OCA2: variants seen among roughly 807,000 people sequenced by gnomAD.
OCA2 encodes the protein P protein.
OCA2 carries 77 observed loss-of-function variants against 100.2 expected under a neutral mutation model. The observed-to-expected ratio is 0.77, with a 90% CI of 0.64 to 0.93. The LOEUF (loss-of-function observed/expected upper bound fraction) is 0.93. Among genes scored for constraint, OCA2 ranks in the 40% least tolerant of loss-of-function variants. OCA2 has a pLI of 0.00. For synonymous variants in OCA2, 432 were observed against 439.2 expected, an observed-to-expected ratio of 0.98 and a Z score of 0.21; for missense variants, 1,062 against 1,089.1, an observed-to-expected ratio of 0.98 and a Z score of 0.35.
intron 5 of OCA2, 84 bp downstream of exon 5, chr15:28,024,761 C>T (rs1275740828): frequency 1.7e-5 from 24 of 1,414,938 alleles, no homozygotes; most frequent in Non-Finnish European, 2.4e-5. Flanking sequence ...AGCCCCACAC[C>T]TCAGGTTCCC....
At chr15:27,969,218 G>GAGT (rs748714420) in intron 14 of OCA2, among the ~76,000 whole-genome samples, 1 of 151,638 alleles carries the variant, frequency 6.6e-6, no homozygotes, top group Non-Finnish European at 1.5e-5. Flanking sequence ...AAAAAGTGAT[G>GAGT]AGTAGATAAA....
At chr15:27,870,646 G>C (rs1467929622) in intron 21 of OCA2, among the ~76,000 whole-genome samples, 1 of 138,418 alleles carries the variant, frequency 7.2e-6, no homozygotes, top group African/African-American at 2.7e-5. Context: ...TCTATCTTTT[G>C]ATGTCTCACA....
chr15:27,770,935 C>G (rs2031764101), intron 23 of OCA2, among the ~76,000 whole-genome samples: 1 of 124,222 alleles, frequency 8.1e-6, no homozygotes, highest in Non-Finnish European at 1.9e-5. Context: ...CTTTTCCTTT[C>G]TTCCTTCCTT....
the OCA2 span, among the ~76,000 whole-genome samples, chr15:27,732,736 G>A: frequency 1.3e-5 from 2 of 152,186 alleles, no homozygotes; most frequent in African/African-American, 4.8e-5. Flanking sequence ...CAAGTCTTCT[G>A]TGGGCCCCTC....
intron 19 of OCA2, among the ~76,000 whole-genome samples, chr15:27,920,834 A>AT (rs2038830360): frequency 6.6e-6 from 1 of 152,098 alleles, no homozygotes; most frequent in East Asian, 1.9e-4. Flanking sequence ...TGACATAAAA[A>AT]TTACTCATCA....
chr15:27,786,576 T>C (rs2032827017), intron 23 of OCA2, among the ~76,000 whole-genome samples: 1 of 152,186 alleles, frequency 6.6e-6, no homozygotes, highest in Admixed American at 6.5e-5. Flanking sequence ...ATTTCACTTT[T>C]AGATTATTGT....
At chr15:27,939,385 T>A (rs1448491) in intron 18 of OCA2, among the ~76,000 whole-genome samples, 31,814 of 152,184 alleles carry the variant, frequency 0.21, 3,863 homozygotes, top group South Asian at 0.37. Context: ...TCGGGGCCTA[T>A]TAAATGCAGT....
chr15:27,956,723 C>T (rs995663823), intron 16 of OCA2, among the ~76,000 whole-genome samples: 3 of 152,200 alleles, frequency 2.0e-5, no homozygotes, highest in Admixed American at 6.5e-5. Flanking sequence ...CATTACTGGG[C>T]GAGATGGGTC....
At chr15:27,805,093 G>C (rs2033775061) in intron 23 of OCA2, among the ~76,000 whole-genome samples, 1 of 152,234 alleles carries the variant, frequency 6.6e-6, no homozygotes, top group African/African-American at 2.4e-5. Flanking sequence ...GAGTGGTCAG[G>C]CTGAGAGGAG....
chr15:27,887,097 G>T (rs1290578984), intron 19 of OCA2, among the ~76,000 whole-genome samples: 2 of 152,188 alleles, frequency 1.3e-5, no homozygotes, highest in African/African-American at 4.8e-5. Context: ...CTCTCTGCCT[G>T]CCGCCATCCA....
intron 2 of OCA2, among the ~76,000 whole-genome samples, chr15:28,080,425 T>C (rs554215438): frequency 1.7e-4 from 26 of 152,356 alleles, no homozygotes; most frequent in African/African-American, 6.0e-4. Context: ...TGAAATTCTA[T>C]GCAAGGAGTT....
At chr15:28,059,659 C>T (rs1418763225) in intron 2 of OCA2, among the ~76,000 whole-genome samples, 1 of 152,162 alleles carries the variant, frequency 6.6e-6, no homozygotes, top group Non-Finnish European at 1.5e-5. Context: ...CTTCTAAATG[C>T]CTTTTGCTCC....
intron 18 of OCA2, among the ~76,000 whole-genome samples, chr15:27,936,155 G>A (rs1160110660): frequency 6.6e-6 from 1 of 152,178 alleles, no homozygotes; most frequent in African/African-American, 2.4e-5. Context: ...GCTACACTGT[G>A]GTTGTTCCTT....
chr15:27,791,787 A>C (rs1001035110), intron 23 of OCA2, among the ~76,000 whole-genome samples: 1 of 152,222 alleles, frequency 6.6e-6, no homozygotes, highest in Non-Finnish European at 1.5e-5. Context: ...TAGACACACT[A>C]CGGGGTTGCT....
At chr15:27,738,708 G>A in the OCA2 span, among the ~76,000 whole-genome samples, 2 of 131,416 alleles carry the variant, frequency 1.5e-5, no homozygotes, top group African/African-American at 6.3e-5. Context: ...GCACTCCAGC[G>A]AGACTCGGTC....
At chr15:27,946,684 A>G (rs1246130388) in intron 18 of OCA2, among the ~76,000 whole-genome samples, 2 of 152,156 alleles carry the variant, frequency 1.3e-5, no homozygotes, top group Non-Finnish European at 2.9e-5. Flanking sequence ...TATCAGAAGG[A>G]AAAGTTTTCT....
At chr15:27,875,028 A>T (rs2036730999) in intron 19 of OCA2, among the ~76,000 whole-genome samples, 1 of 152,210 alleles carries the variant, frequency 6.6e-6, no homozygotes, top group Non-Finnish European at 1.5e-5. Flanking sequence ...CCATCTTTGT[A>T]AGTTAAGAAA....
chr15:28,009,214 A>C (rs571659387), intron 9 of OCA2, among the ~76,000 whole-genome samples: 2 of 152,308 alleles, frequency 1.3e-5, no homozygotes, highest in South Asian at 4.1e-4. Context: ...TCTACCTTCC[A>C]CATCAAGTTA....
intron 6 of OCA2, among the ~76,000 whole-genome samples, chr15:28,021,867 A>G (rs886403307): frequency 6.6e-6 from 1 of 152,168 alleles, no homozygotes; most frequent in Non-Finnish European, 1.5e-5. Context: ...GGTCTGGCAG[A>G]CAGCTGGCAG....
Sources: allele counts gnomAD v4.1 joint callset (sites outside exome capture counted in the v4.1 genomes callset), GRCh38; gene constraint gnomAD v4.1.1; transcripts MANE v1.5; gene names NCBI Gene and HGNC (gene_info 2026-07-23, HGNC 2026-07-21).